Variants in SOHLH1 observed in about 807,000 individuals in gnomAD.
SOHLH1 encodes the protein spermatogenesis- and oogenesis-specific basic helix-loop-helix-containing protein 1.
A neutral mutation model predicts 36.2 loss-of-function variants in SOHLH1; 23 were observed. That is an observed-to-expected ratio of 0.64 (90% CI 0.46 to 0.90). SOHLH1 has a LOEUF of 0.90. Among genes scored for constraint, SOHLH1 ranks in the 40% least tolerant of loss-of-function variants. SOHLH1 has a pLI of 0.00. For synonymous variants in SOHLH1, 289 were observed against 228.3 expected, an observed-to-expected ratio of 1.27 and a Z score of -2.40; for missense variants, 608 against 517.0, an observed-to-expected ratio of 1.18 and a Z score of -1.71.
chr9:135,693,516 T>C lies in SOHLH1; in HGVS notation c.*81A>G, dbSNP rs1834671479. On this transcript the variant is annotated 3_prime_UTR_variant, in exon 8 of 8. Coordinates refer to ENST00000425225, the MANE Select transcript of SOHLH1 (RefSeq NM_001101677.2). ...GTGCAGCTGCAACCCAAACCCAAAA[T>C]AAAATGCCCAAGCACGCGACAGGGA... 1 of 1,478,166 alleles carries C rather than the reference T, an allele frequency of 6.8e-7. No homozygotes were observed. Among genetic ancestry groups the C allele is most frequent in the Admixed American group, 2.3e-5 (1 of 42,956 alleles). The allele number at this position is 1,478,166 out of a possible 1,614,324, so 91.6% of individuals were successfully genotyped here.
At position 135,695,248 on chromosome 9, in the gene SOHLH1, A is replaced by C; in HGVS notation, c.677T>G (p.Val226Gly). The C allele has an allele frequency of 6.3e-7, 1 of 1,596,726 alleles. No individual in the cohort carries two copies. The highest frequency in any genetic ancestry group is 1.1e-5 in the South Asian group (1 of 87,870). ...LPPFSEPSSL[V>G]PWPPGRSLPK... ...AAGACTCCGGCCTGGGGGCCACGGCACCAGGCTGGAAGGTTCTGGGAGAGA... is the reference window on the plus strand; with the variant it reads ...AAGACTCCGGCCTGGGGGCCACGGCCCCAGGCTGGAAGGTTCTGGGAGAGA... The change falls in exon 6 of 8, where the codon GTG (valine) becomes GGG (glycine). Residue 226 changes from valine (V) to glycine (G), a missense_variant. Coordinates refer to ENST00000425225, the MANE Select transcript of SOHLH1 (RefSeq NM_001101677.2).
At chr9:135,697,700 C>G in intron 3 of SOHLH1, 73 bp from the exon 4 acceptor site, 2 of 1,554,764 alleles carry the variant, frequency 1.3e-6, no homozygotes, top group Non-Finnish European at 8.7e-7. Flanking sequence ...GGTGACAAGA[C>G]TGCTACCCCA....
At chr9:135,696,578 C>G in intron 5 of SOHLH1, 34 bp downstream of exon 5, 1 of 1,609,762 alleles carries the variant, frequency 6.2e-7, no homozygotes, top group Non-Finnish European at 8.5e-7. Flanking sequence ...GCTCCCCAGG[C>G]CAAAGGCACC....
At position 135,699,457 on chromosome 9, in the gene SOHLH1, C is replaced by T. The variant is rs770642443; in HGVS notation, c.11G>A (p.Arg4Gln). The T allele has an allele frequency of 2.5e-6, 4 of 1,612,068 alleles. No individual in the cohort carries two copies. The highest frequency in any genetic ancestry group is 2.7e-5 in the African/African-American group (2 of 74,900). Residue 4 changes from arginine (R) to glutamine (Q), a missense_variant, in exon 1 of 8, where the codon CGG becomes CAG. Coordinates refer to ENST00000425225, the MANE Select transcript of SOHLH1 (RefSeq NM_001101677.2). ...GACCTCCGGGTAGGGCTCGGAGCAC[C>T]GGGACGCCATGAACTCGCAGCTGCG... MAS[R>Q]CSEPYPEVSR...
chr9:135,697,486 G>GGGCC lies in SOHLH1; in HGVS notation c.467+16_467+19dup. 6.2e-7 allele frequency: 1 copy of GGGCC among 1,605,204 alleles called. No homozygotes were observed. On this transcript the variant is annotated intron_variant, in intron 4 of 7. Coordinates refer to ENST00000425225, the MANE Select transcript of SOHLH1 (RefSeq NM_001101677.2). ...CCAGGGTCACCCAGCCCTGGAGAGC[G>GGGCC]GGCCCCAGGAGACACTAACCGAGTC... is the stretch of plus-strand genomic sequence containing the variant.
rs753231665 is a variant in SOHLH1 at position 135,693,711 on chromosome 9, G to A, written c.1050C>T (p.Gly350=). ...GAGGGCTGTCCTGGAGCTCCTGGGA[G>A]CCAAGCTCAGGGTCCCCTAGGAAGC... ...EPGFLGDPEL[G]SQELQDSPLE... is the part of the protein sequence containing the mutation. The change falls in exon 8 of 8, where the codon GGC becomes GGT. Residue 350 remains glycine, a synonymous_variant. Coordinates refer to ENST00000425225, the MANE Select transcript of SOHLH1 (RefSeq NM_001101677.2). 3.8e-6 allele frequency: 6 copies of A among 1,574,012 alleles called. No homozygotes were observed. The highest frequency in any genetic ancestry group is 5.2e-6 in the Non-Finnish European group (6 of 1,160,690).
At position 135,695,090 on chromosome 9, in the gene SOHLH1, C is replaced by T. The variant is rs556508667; in HGVS notation, c.835G>A (p.Glu279Lys). The change falls in exon 6 of 8, where the codon GAG (glutamate) becomes AAG (lysine). Residue 279 changes from glutamate to lysine, a missense_variant. Physicochemically the swap from Glu to Lys is moderately conservative, Grantham distance 56. Transcript: ENST00000425225. ...AGCATGGGGTCCTCCTTGGCTGGCT[C>T]CCCCAGAGGTGCAGCCCCCATGGCC... Reference protein sequence around the residue: ...PLAMGAAPLGEPAKEDPMLAQ... With the variant: ...PLAMGAAPLGKPAKEDPMLAQ... 24 of 1,598,106 alleles carry T rather than the reference C, an allele frequency of 1.5e-5. No homozygotes were observed. Among genetic ancestry groups the T allele is most frequent in the Admixed American group, 3.4e-5 (2 of 58,662 alleles).
At chr9:135,694,978 G>C in intron 6 of SOHLH1, 72 bp downstream of exon 6, 2 of 1,450,840 alleles carry the variant, frequency 1.4e-6, no homozygotes, top group Middle Eastern at 2.4e-4. Context: ...AGGACTGGGA[G>C]GAGGTGGGAC....
intron 5 of SOHLH1, 78 bp downstream of exon 5, chr9:135,696,534 C>T (rs1564298595): frequency 6.6e-7 from 1 of 1,521,582 alleles, no homozygotes; most frequent in East Asian, 2.3e-5. Context: ...AAACAGCCCC[C>T]ATTGTTCTTA....
At chr9:135,699,353 G>C in intron 1 of SOHLH1, 50 bp downstream of exon 1, 1 of 1,577,042 alleles carries the variant, frequency 6.3e-7, no homozygotes, top group Non-Finnish European at 8.6e-7. Context: ...AGAACCCCTG[G>C]GTACAGGCCT....
At position 135,694,308 on chromosome 9, in the gene SOHLH1, T is replaced by C. The variant is rs375553341; in HGVS notation, c.946+79A>G. ...GACCCTGGGGCCCCCTGACACACGCTAGGCCTGAGTCCCAATTCCCCAGCT... is the reference window on the plus strand; with the variant it reads ...GACCCTGGGGCCCCCTGACACACGCCAGGCCTGAGTCCCAATTCCCCAGCT... On this transcript the variant is annotated intron_variant, in intron 7 of 7. Coordinates refer to ENST00000425225, the MANE Select transcript of SOHLH1 (RefSeq NM_001101677.2). 16 of 1,607,682 alleles carry C rather than the reference T, an allele frequency of 1.0e-5. No homozygotes were observed. The African/African-American group carries it at 2.0e-4, about 20-fold the overall frequency.
Position 135,699,096 on chromosome 9 carries a change from G to A in SOHLH1, c.96C>T (p.Cys32=), listed in dbSNP as rs370006381. The A allele has an allele frequency of 3.1e-6, 5 of 1,608,182 alleles. No homozygotes were observed. The highest frequency in any genetic ancestry group is 1.3e-5 in the African/African-American group (1 of 74,902). Residue 32 remains cysteine (C), a synonymous_variant, in exon 2 of 8, where the codon TGC becomes TGT. Transcript: ENST00000425225. The part of the protein sequence containing the change: ...NGSLSGALSC[C]EDSARGSGPP... ...GGCCCGAGCCCCGGGCCGAGTCCTC[G>A]CAGCAGGAGAGGGCACCAGACAGGG...
rs146613743 is a variant in SOHLH1 at position 135,695,153 on chromosome 9, C to T, written c.772G>A (p.Gly258Arg). The change falls in exon 6 of 8, where the codon GGG (glycine) becomes AGG (arginine). Residue 258 changes from glycine (G) to arginine (R), a missense_variant. Physicochemically the swap from Gly to Arg is moderately radical, Grantham distance 125 (BLOSUM62 -2). Coordinates refer to ENST00000425225, the MANE Select transcript of SOHLH1 (RefSeq NM_001101677.2). Reference sequence around the variant, plus strand: ...TGGCCCAGCCAGCCAAGGGCCTCCCCGCTCATCACGGGCAAGGTCTGCTGC... The same window carrying T: ...TGGCCCAGCCAGCCAAGGGCCTCCCTGCTCATCACGGGCAAGGTCTGCTGC... ...SQQQTLPVMS[G>R]EALGWLGQAG... 69 of 1,600,496 alleles carry T rather than the reference C, an allele frequency of 4.3e-5. No homozygotes were observed. Among genetic ancestry groups the T allele is most frequent in the African/African-American group, 1.1e-4 (8 of 74,780 alleles).
chr9:135,695,005 G>A lies in SOHLH1; in HGVS notation c.875+45C>T, dbSNP rs190387809. On this transcript the variant is annotated intron_variant, in intron 6 of 7. Transcript: ENST00000425225. ...AGGTGGGACAGGCTCACACACACAT[G>A]CTCGCTCACGCACACACAGGCGTGC... 2,370 of 1,537,366 alleles carry A rather than the reference G, an allele frequency of 1.5e-3. 8 individuals carry two copies. The highest frequency in any genetic ancestry group is 1.6e-3 in the Non-Finnish European group (1,858 of 1,135,834).
At chr9:135,700,447 G>C (rs142523190), upstream of SOHLH1, among the ~76,000 whole-genome samples, 386 of 152,150 alleles carry the variant, frequency 2.5e-3, 2 homozygotes, top group Middle Eastern at 0.031. Context: ...GACGAGGGTG[G>C]GGGGTGAGGC....
At position 135,699,004 on chromosome 9, in the gene SOHLH1, C is replaced by G; in HGVS notation, c.188G>C (p.Arg63Thr). 6.2e-7 allele frequency: 1 copy of G among 1,611,534 alleles called. No individual in the cohort carries two copies. The highest frequency in any genetic ancestry group is 8.5e-7 in the Non-Finnish European group (1 of 1,179,740). ...SCLRRNVISE[R>T]ERRKRMSLSC... ...AGGCACCACCACTCACCTGCGCTCC[C>G]TCTCGCTGATCACGTTCCGCCGAAG... Residue 63 changes from arginine to threonine, a missense_variant, in exon 2 of 8, where the codon AGG becomes ACG. Arg to Thr is a moderately conservative substitution (Grantham distance 71). Transcript: ENST00000425225.
chr9:135,698,795 G>T (rs766567950), intron 2 of SOHLH1, among the ~76,000 whole-genome samples, 200 bp downstream of exon 2: 30 of 152,228 alleles, frequency 2.0e-4, no homozygotes, highest in Non-Finnish European at 3.8e-4. Flanking sequence ...AGAGGCCAAG[G>T]CTTCAGGATA....
intron 4 of SOHLH1, 144 bp from the exon 5 acceptor site, chr9:135,696,949 G>C: frequency 1.1e-6 from 1 of 921,206 alleles, no homozygotes; most frequent in Non-Finnish European, 1.7e-6. Context: ...CTCTGCCCAG[G>C]GGCCCTGGGC....
Position 135,694,211 on chromosome 9 carries a change from C to T in SOHLH1, c.946+176G>A. 4 of 1,458,464 alleles carry T rather than the reference C, an allele frequency of 2.7e-6. No individual in the cohort carries two copies. In the South Asian group the frequency reaches 4.3e-5, roughly 16 times the overall value. The allele number at this position is 1,458,464 out of a possible 1,614,324, so 90.3% of individuals were successfully genotyped here. A position where few individuals can be genotyped will look rare whatever the true frequency, so the allele number is the denominator to read the frequency against. ...GTTCACTCACACACTCACATATCAC[C>T]TATAACGCTCAATACCAGACACGGC... On this transcript the variant is annotated intron_variant, in intron 7 of 7. Transcript: ENST00000425225.
Sources: allele counts gnomAD v4.1 joint callset (sites outside exome capture counted in the v4.1 genomes callset), GRCh38; gene constraint gnomAD v4.1.1; transcripts MANE v1.5; gene names NCBI Gene and HGNC (gene_info 2026-07-23, HGNC 2026-07-21).